The following LCLAT1 variants were observed in gnomAD, a reference collection of about 807,000 sequenced individuals.
LCLAT1 encodes the protein lysocardiolipin acyltransferase 1, also known as 1-AGP acyltransferase 8.
A neutral mutation model predicts 30.7 loss-of-function variants in LCLAT1; 11 were observed. The ratio of observed to expected loss-of-function variants is 0.36; its 90% confidence interval spans 0.23 to 0.59. The LOEUF is 0.59. Ranked by LOEUF, LCLAT1 falls within the 20% of genes least tolerant of loss-of-function variation. The pLI, the probability that LCLAT1 is intolerant of heterozygous loss-of-function variation, is 0.77. For synonymous variants in LCLAT1, 155 were observed against 151.3 expected (o/e 1.02, Z -0.18); for missense variants, 402 against 458.6 (o/e 0.88, Z 1.13).
At position 30,568,864 on chromosome 2, in the gene LCLAT1, CAAAAAAA is replaced by C. The variant is rs61325694; in HGVS notation, c.628+702_628+708del. Among the ~76,000 whole-genome samples the C allele has an allele frequency of 3.6e-4, 32 of 89,116 alleles. 1 individual carries two copies. In the South Asian group the frequency reaches 4.2e-3, roughly 12 times the overall value. 58.5% of individuals were successfully genotyped at this position (89,116 alleles called of 152,430 possible). ...CCATTTCTCTAGTAATCATGAATAGCAAAAAAAAAAAAAAAAAAAAGAGAAAAAAAAT... is the reference window on the plus strand; with the variant it reads ...CCATTTCTCTAGTAATCATGAATAGCAAAAAAAAAAAAAGAGAAAAAAAAT... On this transcript the variant is annotated intron_variant, in intron 5 of 5. Coordinates refer to ENST00000379509, the MANE Select transcript of LCLAT1 (RefSeq NM_001002257.3).
chr2:30,569,573 A>C (rs1045758381), intron 5 of LCLAT1, among the ~76,000 whole-genome samples: 1 of 150,222 alleles, frequency 6.7e-6, no homozygotes, highest in Non-Finnish European at 1.5e-5. Flanking sequence ...TGTGCATAAC[A>C]TGAAAAGTCT....
intron 3 of LCLAT1, among the ~76,000 whole-genome samples, chr2:30,544,380 G>A (rs1476103027): frequency 1.3e-5 from 2 of 152,222 alleles, no homozygotes; most frequent in Non-Finnish European, 2.9e-5. Flanking sequence ...TTGAAGCATA[G>A]GATTTTAGAG....
intron 1 of LCLAT1, among the ~76,000 whole-genome samples, chr2:30,474,612 A>G (rs1447334178): frequency 6.6e-6 from 1 of 151,604 alleles, no homozygotes; most frequent in African/African-American, 2.4e-5. Flanking sequence ...TGGTTAATGA[A>G]TGAACAGTTT....
intron 3 of LCLAT1, among the ~76,000 whole-genome samples, chr2:30,535,686 T>A (rs1241670649): frequency 1.3e-5 from 2 of 152,126 alleles, no homozygotes; most frequent in Non-Finnish European, 2.9e-5. Context: ...AGCTATATCA[T>A]AAAATTGGAA....
At position 30,643,697 on chromosome 2, in the gene LCLAT1, A is replaced by G. The variant is rs1002765137; in HGVS notation, c.*3078A>G. The G allele has an allele frequency of 6.6e-6, 1 of 152,628 alleles. No individual in the cohort carries two copies. Among genetic ancestry groups the G allele is most frequent in the Non-Finnish European group, 1.5e-5 (1 of 68,040 alleles). 9.5% of individuals were successfully genotyped at this position (152,628 alleles called of 1,614,324 possible). A position where few individuals can be genotyped will look rare whatever the true frequency, so the allele number is the denominator to read the frequency against. ...GTGTGCATTTACAATAAAGACTCCA[A>G]CGGAGGGAGCCTGTTGGTGTTAAAT... On this transcript the variant is annotated 3_prime_UTR_variant, in exon 6 of 6. Transcript: ENST00000379509.
In LCLAT1 at chr2:30,640,949, C is replaced by T; in HGVS notation, c.*330C>T. 1 of 259,238 alleles carries T rather than the reference C, an allele frequency of 3.9e-6. No individual in the cohort carries two copies. Among genetic ancestry groups the T allele is most frequent in the South Asian group, 4.5e-5 (1 of 22,284 alleles). The allele number at this position is 259,238 out of a possible 1,614,324, so 16.1% of individuals were successfully genotyped here. ...CCCAATCCTAACAGACTCCCCGTAC[C>T]AGAGGCAGATCTGGAACTCGTCAAC... On this transcript the variant is annotated 3_prime_UTR_variant, in exon 6 of 6. Coordinates refer to ENST00000379509, the MANE Select transcript of LCLAT1 (RefSeq NM_001002257.3).
chr2:30,557,299 T>TGTGTGTGTGC (rs1664969090), intron 3 of LCLAT1, among the ~76,000 whole-genome samples: 1 of 148,496 alleles, frequency 6.7e-6, no homozygotes, highest in African/African-American at 2.6e-5. Flanking sequence ...TGTGTGTGTG[T>TGTGTGTGTGC]GTGTGTGTGT....
rs534311316 is a variant in LCLAT1 at position 30,599,278 on chromosome 2, G to A, written c.628+31102G>A. Among the ~76,000 whole-genome samples the A allele has an allele frequency of 1.2e-3, 183 of 152,192 alleles. 1 individual carries two copies. Among genetic ancestry groups the A allele is most frequent in the African/African-American group, 3.8e-3 (156 of 41,534 alleles). On this transcript the variant is annotated intron_variant, in intron 5 of 5. Coordinates refer to ENST00000379509, the MANE Select transcript of LCLAT1 (RefSeq NM_001002257.3). ...ATTCCGGACATGAGCCACTGCACCC[G>A]GCCTTTGAGTTTCATTAATCTGAGT... is the stretch of plus-strand genomic sequence containing the variant.
At chr2:30,574,159 T>A (rs577933498) in intron 5 of LCLAT1, among the ~76,000 whole-genome samples, 15 of 151,762 alleles carry the variant, frequency 9.9e-5, no homozygotes, top group Admixed American at 7.9e-4. Flanking sequence ...ATAATAATAA[T>A]AATAATAGCA....
At chr2:30,536,269 G>C (rs1267430961) in intron 3 of LCLAT1, among the ~76,000 whole-genome samples, 1 of 152,148 alleles carries the variant, frequency 6.6e-6, no homozygotes, top group Admixed American at 6.5e-5. Context: ...GAGTAATATG[G>C]ACATCCAGAT....
At chr2:30,479,976 G>A (rs79123470) in intron 1 of LCLAT1, among the ~76,000 whole-genome samples, 3,389 of 152,174 alleles carry the variant, frequency 0.022, 59 homozygotes, top group Non-Finnish European at 0.034. Flanking sequence ...CCTGCCTTCT[G>A]TATTTCAATC....
At chr2:30,581,001 C>G (rs1400899313) in intron 5 of LCLAT1, among the ~76,000 whole-genome samples, 1 of 152,070 alleles carries the variant, frequency 6.6e-6, no homozygotes, top group Non-Finnish European at 1.5e-5. Flanking sequence ...CTGGAAGGCC[C>G]TGTGCTCTCT....
At chr2:30,542,002 G>A (rs1241331792) in intron 3 of LCLAT1, among the ~76,000 whole-genome samples, 1 of 151,982 alleles carries the variant, frequency 6.6e-6, no homozygotes, top group Non-Finnish European at 1.5e-5. Context: ...TTTGCTCATT[G>A]GCCATTCATA....
intron 5 of LCLAT1, among the ~76,000 whole-genome samples, chr2:30,603,470 C>T (rs1167922692): frequency 1.4e-5 from 2 of 142,728 alleles, no homozygotes; most frequent in East Asian, 2.0e-4. Flanking sequence ...TCAATTTTTG[C>T]TTTTTTTTTT....
intron 1 of LCLAT1, among the ~76,000 whole-genome samples, chr2:30,454,020 A>G (rs1681697425): frequency 1.3e-5 from 2 of 152,214 alleles, no homozygotes; most frequent in Non-Finnish European, 2.9e-5. Flanking sequence ...TTACTATGCT[A>G]TAATGCCTGT....
intron 2 of LCLAT1, among the ~76,000 whole-genome samples, 170 bp downstream of exon 2, chr2:30,525,925 C>T (rs912185648): frequency 4.6e-5 from 7 of 152,070 alleles, no homozygotes; most frequent in Admixed American, 1.3e-4. Flanking sequence ...CCGACTACAA[C>T]GTAAATGCTA....
chr2:30,568,864 C>CAAAAAAAAAAAAAAAAAAA (rs61325694), intron 5 of LCLAT1, among the ~76,000 whole-genome samples: 6 of 89,114 alleles, frequency 6.7e-5, no homozygotes, highest in Non-Finnish European at 8.4e-5. Context: ...TCATGAATAG[C>CAAAAAAAAAAAAAAAAAAA]AAAAAAAAAA....
At chr2:30,463,741 A>G (rs1310357103) in intron 1 of LCLAT1, among the ~76,000 whole-genome samples, 1 of 152,192 alleles carries the variant, frequency 6.6e-6, no homozygotes, top group Non-Finnish European at 1.5e-5. Context: ...GAACTTGTGC[A>G]TATGTTGATT....
chr2:30,485,627 G>C (rs1439638593), intron 1 of LCLAT1, among the ~76,000 whole-genome samples: 1 of 152,002 alleles, frequency 6.6e-6, no homozygotes, highest in Non-Finnish European at 1.5e-5. Context: ...ATAGTTGAAT[G>C]ATGACATTTG....
Sources: gnomAD v4.1 joint callset for allele counts (sites outside exome capture counted in the v4.1 genomes callset) on GRCh38, gnomAD v4.1.1 for gene constraint, MANE v1.5 for transcripts, NCBI Gene and HGNC (gene_info 2026-07-23, HGNC 2026-07-21) for gene names.